The following AMOTL1 variants were observed in gnomAD, a reference collection of about 807,000 sequenced individuals.
AMOTL1 encodes angiomotin-like protein 1.
In AMOTL1, 45 loss-of-function variants were observed where a neutral mutation model predicts 102.9. The ratio of observed to expected loss-of-function variants is 0.44; its 90% confidence interval spans 0.34 to 0.56. The LOEUF (loss-of-function observed/expected upper bound fraction) is 0.56. Ranked by LOEUF, AMOTL1 falls within the 20% of genes least tolerant of loss-of-function variation. The pLI is 0.01. For missense variants in AMOTL1, 1,114 were observed against 1,225.6 expected (o/e 0.91, Z 1.36); for synonymous variants, 481 against 484.7 (o/e 0.99, Z 0.10).
intron 1 of AMOTL1, among the ~76,000 whole-genome samples, chr11:94,781,821 G>A (rs972311565): frequency 2.7e-5 from 4 of 150,942 alleles, no homozygotes; most frequent in Admixed American, 1.3e-4. Flanking sequence ...GTGACATAGC[G>A]AGACTCCGTC....
intron 1 of AMOTL1, among the ~76,000 whole-genome samples, chr11:94,771,260 G>GT (rs947290009): frequency 7.4e-4 from 7 of 9,486 alleles, no homozygotes; most frequent in South Asian, 0.024. Flanking sequence ...TGGCGGGGTT[G>GT]GGGGGGGGGT....
chr11:94,821,499 G>T, intron 3 of AMOTL1, 31 bp from the exon 4 acceptor site: 1 of 1,599,548 alleles, frequency 6.3e-7, no homozygotes. Context: ...ATTTCCCCAG[G>T]CTCTAACTGC....
Position 94,768,378 on chromosome 11 carries a change from C to T in AMOTL1, c.-134C>T. On this transcript the variant is annotated 5_prime_UTR_variant, in exon 1 of 13. Transcript: ENST00000433060. ...GGGAGCGCGCGAGAAGCTCTAGGAC[C>T]CAGCAGCGGTTGTCGGGTTTGGGGC... 6.7e-7 allele frequency: 1 copy of T among 1,492,926 alleles called. No individual in the cohort carries two copies. Among genetic ancestry groups the T allele is most frequent in the Non-Finnish European group, 8.9e-7 (1 of 1,121,624 alleles). The allele number at this position is 1,492,926 out of a possible 1,614,324, so 92.5% of individuals were successfully genotyped here.
intron 3 of AMOTL1, among the ~76,000 whole-genome samples, chr11:94,748,068 G>A (rs777663494): frequency 4.1e-4 from 63 of 152,280 alleles, no homozygotes; most frequent in Admixed American, 1.6e-3. Context: ...AAACCATTAT[G>A]ACTGAGCCTC....
chr11:94,869,385 C>T lies in AMOTL1; in HGVS notation c.2676C>T (p.Ser892=). The T allele has an allele frequency of 6.2e-7, 1 of 1,607,356 alleles. No individual in the cohort carries two copies. The highest frequency in any genetic ancestry group is 8.5e-7 in the Non-Finnish European group (1 of 1,177,212). Residue 892 remains serine, a synonymous_variant, in exon 12 of 13, where the codon TCC becomes TCT. Coordinates refer to ENST00000433060, the MANE Select transcript of AMOTL1 (RefSeq NM_130847.3). ...AGCTCTTCTGGCCCAGCATGGCCTC[C>T]CTTCCCAGCCGCGGCCGGCTGAGCA... is the stretch of plus-strand genomic sequence containing the variant. ...SAELFWPSMA[S]LPSRGRLSTT...
At chr11:94,783,763 G>A (rs755586041) in intron 1 of AMOTL1, among the ~76,000 whole-genome samples, 3 of 152,166 alleles carry the variant, frequency 2.0e-5, no homozygotes, top group Non-Finnish European at 2.9e-5. Context: ...TTTCAGATTT[G>A]GGTCTTATAT....
intron 1 of AMOTL1, among the ~76,000 whole-genome samples, chr11:94,777,861 T>G (rs949105059): frequency 1.3e-5 from 2 of 152,190 alleles, no homozygotes; most frequent in Non-Finnish European, 2.9e-5. Context: ...TTTGTACAAG[T>G]CAATACTGAG....
intron 1 of AMOTL1, among the ~76,000 whole-genome samples, chr11:94,789,123 T>A (rs1359616315): frequency 1.3e-5 from 2 of 152,074 alleles, no homozygotes; most frequent in African/African-American, 2.4e-5. Context: ...TGCTTTTAGT[T>A]TAGTGGTGGA....
intron 3 of AMOTL1, among the ~76,000 whole-genome samples, chr11:94,812,351 G>A (rs986284570): frequency 2.6e-5 from 4 of 152,168 alleles, no homozygotes; most frequent in African/African-American, 9.7e-5. Context: ...GGGGGAGGGG[G>A]CTTCCACATT....
intron 11 of AMOTL1, chr11:94,866,904 T>G (rs995889757): frequency 1.3e-5 from 2 of 152,364 alleles, no homozygotes; most frequent in African/African-American, 4.8e-5. Flanking sequence ...CAGGAGTAGG[T>G]TTCTTGGGGG....
intron 1 of AMOTL1, among the ~76,000 whole-genome samples, chr11:94,709,689 G>T (rs1337347660): frequency 1.3e-5 from 2 of 152,130 alleles, no homozygotes; most frequent in East Asian, 3.9e-4. Context: ...ACCACTATCT[G>T]ACTGCAACTA....
chr11:94,782,262 AACT>A (rs1361743513), intron 1 of AMOTL1, among the ~76,000 whole-genome samples: 1 of 152,326 alleles, frequency 6.6e-6, no homozygotes, highest in East Asian at 1.9e-4. Flanking sequence ...CTTCAAGAAA[AACT>A]ACTATTTGCT....
Position 94,768,457 on chromosome 11 carries a change from G to C in AMOTL1, c.-55G>C. 1 of 1,556,596 alleles carries C rather than the reference G, an allele frequency of 6.4e-7. No individual in the cohort carries two copies. ...TGATTGTCCGGCGCCACTTCCCCGC[G>C]CTGCCCGGCAGCCGTCTTCCCCAGC... On this transcript the variant is annotated 5_prime_UTR_variant, in exon 1 of 13. Transcript: ENST00000433060.
intron 4 of AMOTL1, 29 bp from the exon 5 acceptor site, chr11:94,830,021 A>G: frequency 6.4e-7 from 1 of 1,565,192 alleles, no homozygotes; most frequent in Non-Finnish European, 8.6e-7. Flanking sequence ...TGTCAAAGGT[A>G]CCACTTTAAT....
intron 5 of AMOTL1, among the ~76,000 whole-genome samples, chr11:94,831,225 GTGCATATCA>G (rs1952063598): frequency 1.3e-5 from 2 of 152,132 alleles, no homozygotes; most frequent in South Asian, 4.1e-4. Flanking sequence ...CCTGCTGCTC[GTGCATATCA>G]TTTGGCATTA....
intron 3 of AMOTL1, among the ~76,000 whole-genome samples, chr11:94,743,777 G>T (rs1950558609): frequency 6.8e-6 from 1 of 147,302 alleles, no homozygotes; most frequent in African/African-American, 2.5e-5. Flanking sequence ...TCCTGCCTCA[G>T]CCTCCCAACT....
chr11:94,726,006 G>A (rs542578149), intron 1 of AMOTL1, among the ~76,000 whole-genome samples: 1 of 152,268 alleles, frequency 6.6e-6, no homozygotes, highest in African/African-American at 2.4e-5. Context: ...AGTGAGAGAT[G>A]ATGGCAGTTC....
intron 3 of AMOTL1, among the ~76,000 whole-genome samples, chr11:94,801,820 G>A (rs151320127): frequency 2.6e-4 from 40 of 152,294 alleles, no homozygotes; most frequent in African/African-American, 9.1e-4. Flanking sequence ...AGATGTTGCT[G>A]ACATTGAAGG....
chr11:94,719,566 A>ATGTGTGTGTG (rs34142147), intron 1 of AMOTL1, among the ~76,000 whole-genome samples: 2 of 148,024 alleles, frequency 1.4e-5, no homozygotes, highest in African/African-American at 4.9e-5. Context: ...CAGAGCGAAA[A>ATGTGTGTGTG]TGTGTGTGTG....
Sources: gnomAD v4.1 joint callset for allele counts (sites outside exome capture counted in the v4.1 genomes callset) on GRCh38, gnomAD v4.1.1 for gene constraint, MANE v1.5 for transcripts, NCBI Gene and HGNC (gene_info 2026-07-23, HGNC 2026-07-21) for gene names.